The following CCDC14 variants were observed in gnomAD, a reference collection of about 807,000 sequenced individuals.
CCDC14 encodes the protein coiled-coil domain containing 14, also known as coiled-coil domain-containing protein 14.
In CCDC14, 71 loss-of-function variants were observed where a neutral mutation model predicts 81.4. The observed-to-expected ratio is 0.87, with a 90% CI of 0.72 to 1.06. The LOEUF (loss-of-function observed/expected upper bound fraction) is 1.06, where lower values mean the gene tolerates loss of function less well. Ranked by LOEUF, CCDC14 falls within the 50% of genes least tolerant of loss-of-function variation. The probability of loss-of-function intolerance (pLI) is 0.00; values close to 1 mark genes in which losing one functional copy is unlikely to be tolerated. For missense variants in CCDC14, 1,046 were observed against 1,047.3 expected (o/e 1.00, Z 0.02); for synonymous variants, 332 against 364.8 (o/e 0.91, Z 1.03).
In CCDC14 at chr3:123,913,685, A is replaced by G. The variant is rs576903303; in HGVS notation, c.*1094T>C. 982 of 984,594 alleles carry G rather than the reference A, an allele frequency of 1.0e-3. 1 individual carries two copies. Among genetic ancestry groups the G allele is most frequent in the Non-Finnish European group, 1.1e-3 (954 of 829,642 alleles). 61.0% of individuals were successfully genotyped at this position (984,594 alleles called of 1,614,324 possible). A position where few individuals can be genotyped will look rare whatever the true frequency, so the allele number is the denominator to read the frequency against. On this transcript the variant is annotated 3_prime_UTR_variant, in exon 13 of 13. Transcript: ENST00000409697. ...GCACTAACACCTAAAAAAAAAAAAA[A>G]AACCACCAAAAAAACAAAAAACACG...
chr3:123,888,614 G>A, the CCDC14 span, among the ~76,000 whole-genome samples: 35 of 152,310 alleles, frequency 2.3e-4, no homozygotes, highest in African/African-American at 8.4e-4. Flanking sequence ...AGGATGACTA[G>A]GGAGCCTCAG....
chr3:123,908,132 A>G (rs1559756870), intron 5 of CCDC14, among the ~76,000 whole-genome samples: 1 of 152,202 alleles, frequency 6.6e-6, no homozygotes, highest in Non-Finnish European at 1.5e-5. Context: ...TTAGTATGAA[A>G]GAAAGAAGGA....
chr3:123,891,366 A>G, the CCDC14 span, among the ~76,000 whole-genome samples: 1 of 152,224 alleles, frequency 6.6e-6, no homozygotes, highest in Non-Finnish European at 1.5e-5. Context: ...TTGCATTATC[A>G]GGCTGCAAAT....
chr3:123,932,799 C>G (rs1435654674), intron 10 of CCDC14, among the ~76,000 whole-genome samples: 1 of 152,148 alleles, frequency 6.6e-6, no homozygotes, highest in Non-Finnish European at 1.5e-5. Flanking sequence ...TGCTATAAAT[C>G]TATCCTACAA....
chr3:123,913,215 G>T (rs2034486792), downstream of CCDC14, among the ~76,000 whole-genome samples: 1 of 152,110 alleles, frequency 6.6e-6, no homozygotes, highest in Admixed American at 6.6e-5. Flanking sequence ...TCTGCTGAAG[G>T]TCCCTGAAGA....
chr3:123,899,316 C>T (rs965313192), intron 5 of CCDC14, among the ~76,000 whole-genome samples: 5 of 152,214 alleles, frequency 3.3e-5, no homozygotes, highest in Non-Finnish European at 7.3e-5. Flanking sequence ...CACCCTAGCT[C>T]TGCATGCTTC....
chr3:123,934,270 C>CAAAAAAAAAAAAAAAAAAAAAAAAAAA (rs61094944), intron 9 of CCDC14, among the ~76,000 whole-genome samples: 2 of 52,290 alleles, frequency 3.8e-5, no homozygotes, highest in African/African-American at 1.7e-4. Flanking sequence ...GACTCTGCCT[C>CAAAAAAAAAAAAAAAAAAAAAAAAAAA]AAAAAAAAAA....
At chr3:123,953,996 T>C (rs912018522) in intron 5 of CCDC14, 1 of 152,170 alleles carries the variant, frequency 6.6e-6, no homozygotes, top group Non-Finnish European at 1.5e-5. Flanking sequence ...AGTGTTGCCA[T>C]CTGTTTCTTG....
chr3:123,960,130 C>T (rs746097185), intron 1 of CCDC14, among the ~76,000 whole-genome samples: 4 of 152,284 alleles, frequency 2.6e-5, no homozygotes, highest in Non-Finnish European at 5.9e-5. Context: ...AATCAGTTTG[C>T]TTTATTTTAC....
chr3:123,897,577 A>G (rs1343337775), exon 6 of CCDC14: 1 of 1,206,186 alleles, frequency 8.3e-7, no homozygotes, highest in Non-Finnish European at 1.1e-6. Context: ...TTTGTGTAAG[A>G]CTTTGCAGAA....
intron 10 of CCDC14, among the ~76,000 whole-genome samples, chr3:123,932,029 A>G (rs1380565891): frequency 1.3e-5 from 2 of 152,148 alleles, no homozygotes; most frequent in Non-Finnish European, 1.5e-5. Flanking sequence ...AAACACATAG[A>G]TCTATCACGT....
At chr3:123,932,332 C>T (rs893688767) in intron 10 of CCDC14, among the ~76,000 whole-genome samples, 17 of 152,214 alleles carry the variant, frequency 1.1e-4, no homozygotes, top group African/African-American at 4.1e-4. Flanking sequence ...TACCCTCTCC[C>T]TTTCCTCACC....
intron 12 of CCDC14, among the ~76,000 whole-genome samples, chr3:123,923,713 A>G (rs1577243920): frequency 1.3e-5 from 2 of 151,370 alleles, no homozygotes; most frequent in East Asian, 3.9e-4. Context: ...CAATACACAT[A>G]TATTATTAGT....
At chr3:123,939,676 T>C (rs1431490764) in intron 9 of CCDC14, among the ~76,000 whole-genome samples, 1 of 151,890 alleles carries the variant, frequency 6.6e-6, no homozygotes, top group East Asian at 1.9e-4. Context: ...TTGCCTTGTG[T>C]GATTCCCTCA....
intron 9 of CCDC14, among the ~76,000 whole-genome samples, chr3:123,943,367 G>A (rs985885919): frequency 1.3e-5 from 2 of 152,024 alleles, no homozygotes; most frequent in Non-Finnish European, 2.9e-5. Flanking sequence ...GCAGGCCTCA[G>A]AAAACAGAAT....
At chr3:123,907,829 T>G (rs1254511857) in intron 5 of CCDC14, among the ~76,000 whole-genome samples, 2 of 151,944 alleles carry the variant, frequency 1.3e-5, no homozygotes, top group Non-Finnish European at 2.9e-5. Context: ...TCCTCTCCTA[T>G]GCACTCCTGC....
chr3:123,894,473 G>T (rs573972517), downstream of CCDC14, among the ~76,000 whole-genome samples: 1 of 152,232 alleles, frequency 6.6e-6, no homozygotes, highest in African/African-American at 2.4e-5. Flanking sequence ...TTTAGAATGG[G>T]TTCCTTTTAT....
At chr3:123,954,343 A>C (rs1161447569) in intron 5 of CCDC14, 3 of 152,224 alleles carry the variant, frequency 2.0e-5, no homozygotes, top group African/African-American at 2.4e-5. Flanking sequence ...GCACAAAAAC[A>C]GCTAATAAAA....
At chr3:123,940,442 C>CT (rs2036288685) in intron 9 of CCDC14, among the ~76,000 whole-genome samples, 1 of 151,768 alleles carries the variant, frequency 6.6e-6, no homozygotes, top group African/African-American at 2.4e-5. Context: ...TTCTGAAGTT[C>CT]TTTGAGTAAT....
Sources: allele counts gnomAD v4.1 joint callset (sites outside exome capture counted in the v4.1 genomes callset), GRCh38; gene constraint gnomAD v4.1.1; transcripts MANE v1.5; gene names NCBI Gene and HGNC (gene_info 2026-07-23, HGNC 2026-07-21).